Variants in DOCK11 observed in about 807,000 individuals in gnomAD.
DOCK11 encodes dedicator of cytokinesis 11.
Under a neutral mutation model 169.1 loss-of-function variants are expected in DOCK11, and 70 were observed. The observed-to-expected ratio is 0.41, with a 90% CI of 0.34 to 0.51. The LOEUF (loss-of-function observed/expected upper bound fraction) is 0.51. Among genes scored for constraint, DOCK11 ranks in the 20% least tolerant of loss-of-function variants. The probability of loss-of-function intolerance (pLI) is 0.10; values close to 1 mark genes in which losing one functional copy is unlikely to be tolerated. For synonymous variants in DOCK11, 529 were observed against 541.3 expected (o/e 0.98, Z 0.32); for missense variants, 1,166 against 1,538.8 (o/e 0.76, Z 4.05).
At chrX:118,509,149 A>G (rs2057633386) in intron 1 of DOCK11, among the ~76,000 whole-genome samples, 1 of 111,921 alleles carries the variant, frequency 8.9e-6, no homozygotes, top group South Asian at 3.7e-4. Flanking sequence ...CTAATCGCCC[A>G]GTTCCTCTAG....
intron 23 of DOCK11, among the ~76,000 whole-genome samples, chrX:118,602,428 C>G (rs967592221): frequency 2.7e-5 from 3 of 111,162 alleles, no homozygotes; most frequent in African/African-American, 9.8e-5. Context: ...GACAGTCTGT[C>G]AATAATACAA....
At chrX:118,592,804 T>C (rs2014044490) in intron 19 of DOCK11, among the ~76,000 whole-genome samples, 1 of 112,687 alleles carries the variant, frequency 8.9e-6, no homozygotes, top group Admixed American at 9.4e-5. Context: ...CTTAATTTTT[T>C]CATGCAAAAG....
chrX:118,591,566 CT>C (rs1226412233), intron 19 of DOCK11, among the ~76,000 whole-genome samples: 59 of 99,718 alleles, frequency 5.9e-4, no homozygotes, highest in African/African-American at 1.5e-3. Context: ...ACATGCTTTT[CT>C]TTTTTTTTTT....
chrX:118,681,886 C>A, intron 51 of DOCK11, 92 bp downstream of exon 51: 1 of 642,729 alleles, frequency 1.6e-6, no homozygotes, highest in Non-Finnish European at 2.3e-6. Context: ...AAATAATACC[C>A]TTCCAAAAAG....
chrX:118,637,004 A>C (rs1733933500), intron 36 of DOCK11, among the ~76,000 whole-genome samples: 3 of 112,561 alleles, frequency 2.7e-5, no homozygotes, highest in African/African-American at 6.5e-5. Context: ...AAATGCAATA[A>C]ATTTTTAAAT....
Position 118,561,474 on chromosome X carries a change from C to T in DOCK11, c.650C>T (p.Ser217Leu), listed in dbSNP as rs768187628. 27 of 1,205,566 alleles carry T rather than the reference C, an allele frequency of 2.2e-5. No individual in the cohort carries two copies. The South Asian group carries it at 3.9e-4, about 18-fold the overall frequency. Residue 217 changes from serine to leucine, a missense_variant, in exon 7 of 53, where the codon TCG becomes TTG. Transcript: ENST00000276202. ...AAAGATGAGAAAAATTCAAAAGAAT[C>T]GAAAGGTTGCATCTACTTGGACGCC... ...SYKDEKNSKE[S>L]KGCIYLDACI...
chrX:118,647,446 C>T (rs1445107701), intron 40 of DOCK11, among the ~76,000 whole-genome samples: 1 of 85,457 alleles, frequency 1.2e-5, no homozygotes, highest in Non-Finnish European at 2.2e-5. Flanking sequence ...TACTATATCA[C>T]TATATAGTGG....
chrX:118,522,496 C>T (rs1355585530), intron 1 of DOCK11, among the ~76,000 whole-genome samples: 1 of 111,853 alleles, frequency 8.9e-6, no homozygotes. Context: ...CAGGGTTTTA[C>T]AGGTGTTGGC....
chrX:118,631,851 C>A (rs764674467), intron 35 of DOCK11, among the ~76,000 whole-genome samples: 1 of 111,420 alleles, frequency 9.0e-6, no homozygotes, highest in South Asian at 3.8e-4. Flanking sequence ...CTCTCCCCTC[C>A]TCCACTGTAG....
At chrX:118,590,943 T>C (rs191354486) in intron 19 of DOCK11, among the ~76,000 whole-genome samples, 2 of 112,415 alleles carry the variant, frequency 1.8e-5, no homozygotes, top group African/African-American at 6.5e-5. Context: ...TCTACATCTC[T>C]GTGTGCTTCC....
chrX:118,664,584 G>A (rs1052714118), intron 45 of DOCK11, among the ~76,000 whole-genome samples: 3 of 110,593 alleles, frequency 2.7e-5, no homozygotes, highest in Non-Finnish European at 5.7e-5. Flanking sequence ...GGTGGAGGTT[G>A]CAGTGACCCA....
At chrX:118,557,763 CAAAAAAAAA>C (rs773728594) in intron 6 of DOCK11, among the ~76,000 whole-genome samples, 7 of 24,337 alleles carry the variant, frequency 2.9e-4, no homozygotes, top group African/African-American at 9.7e-4. Flanking sequence ...GACTCTGTCT[CAAAAAAAAA>C]AAAAAAAAAA....
At chrX:118,604,153 A>C (rs970953151) in intron 23 of DOCK11, among the ~76,000 whole-genome samples, 1 of 111,596 alleles carries the variant, frequency 9.0e-6, no homozygotes, top group African/African-American at 3.3e-5. Flanking sequence ...GACATTGCCA[A>C]ATCTGTCGGG....
intron 6 of DOCK11, among the ~76,000 whole-genome samples, chrX:118,557,017 A>G (rs752415636): frequency 2.2e-4 from 25 of 111,772 alleles, no homozygotes; most frequent in South Asian, 3.7e-4. Context: ...GAGAAACACA[A>G]TTCTGTTGTA....
At chrX:118,538,988 T>C (rs915545090) in intron 1 of DOCK11, among the ~76,000 whole-genome samples, 2 of 111,660 alleles carry the variant, frequency 1.8e-5, no homozygotes, top group African/African-American at 6.5e-5. Flanking sequence ...TGAATCCTAC[T>C]AGAAGGGAAA....
At chrX:118,572,545 CT>C in intron 11 of DOCK11, 82 bp downstream of exon 11, 1 of 968,929 alleles carries the variant, frequency 1.0e-6, no homozygotes. Context: ...TACACCAAAC[CT>C]CCGTGACATG....
At chrX:118,528,989 CT>C (rs1290132597) in intron 1 of DOCK11, among the ~76,000 whole-genome samples, 2,328 of 101,780 alleles carry the variant, frequency 0.023, 47 homozygotes, top group South Asian at 0.067. Context: ...TCTTTTTTTT[CT>C]TTTTTTTTTT....
intron 1 of DOCK11, among the ~76,000 whole-genome samples, chrX:118,507,818 A>C (rs1421453969): frequency 8.9e-6 from 1 of 111,834 alleles, no homozygotes; most frequent in African/African-American, 3.3e-5. Context: ...CATGGTTTTC[A>C]GTGAGGCAGG....
Position 118,573,719 on chromosome X carries a change from A to G in DOCK11, c.1177-87A>G. ...AATTGTAATCACAGAAACTGGAGGA[A>G]TACAAAACTTATTTTGCACTTGTGC... On this transcript the variant is annotated intron_variant, in intron 11 of 52. Transcript: ENST00000276202. The G allele has an allele frequency of 4.2e-6, 3 of 712,187 alleles. No individual in the cohort carries two copies. In the South Asian group the frequency reaches 8.3e-5, roughly 20 times the overall value. 58.7% of individuals were successfully genotyped at this position (712,187 alleles called of 1,213,427 possible).
Sources: allele counts gnomAD v4.1 joint callset (sites outside exome capture counted in the v4.1 genomes callset), GRCh38; gene constraint gnomAD v4.1.1; transcripts MANE v1.5; gene names NCBI Gene and HGNC (gene_info 2026-07-23, HGNC 2026-07-21).